The following SORCS1 variants were observed in gnomAD, a reference collection of about 807,000 sequenced individuals.
SORCS1 encodes VPS10 domain-containing receptor SorCS1.
A neutral mutation model predicts 146.1 loss-of-function variants in SORCS1; 60 were observed. The ratio of observed to expected loss-of-function variants is 0.41; its 90% CI spans 0.33 to 0.51. SORCS1 has a LOEUF of 0.51. SORCS1 is among the 20% of genes least tolerant of loss of function. The pLI, the probability that SORCS1 is intolerant of heterozygous loss-of-function variation, is 0.21. For synonymous variants in SORCS1, 637 were observed against 584.0 expected (o/e 1.09, Z -1.31); for missense variants, 1,352 against 1,487.6 (o/e 0.91, Z 1.50).
chr10:106,690,349 T>C (rs2135661425), intron 9 of SORCS1, among the ~76,000 whole-genome samples: 1 of 152,364 alleles, frequency 6.6e-6, no homozygotes, highest in Non-Finnish European at 1.5e-5. Flanking sequence ...AATGACCATG[T>C]CTTAGCCATT....
chr10:106,592,373 G>C (rs1249635588), intron 24 of SORCS1, among the ~76,000 whole-genome samples: 1 of 152,206 alleles, frequency 6.6e-6, no homozygotes, highest in Admixed American at 6.5e-5. Flanking sequence ...ATGACATTCA[G>C]GTATCTGCAA....
intron 6 of SORCS1, 53 bp downstream of exon 6, chr10:106,729,997 G>C: frequency 6.5e-7 from 1 of 1,537,456 alleles, no homozygotes; most frequent in Non-Finnish European, 9.0e-7. Context: ...GTTCATGACA[G>C]AGTCATAGAA....
At chr10:106,631,914 TTTTGTTTCATGATAG>T (rs1393653342) in intron 18 of SORCS1, among the ~76,000 whole-genome samples, 1 of 152,182 alleles carries the variant, frequency 6.6e-6, no homozygotes, top group Non-Finnish European at 1.5e-5. Flanking sequence ...TCTTGCTGGG[TTTTGTTTCATGATAG>T]GATTCTTCAT....
chr10:106,770,480 C>CAAAAAAAA (rs61310332), intron 4 of SORCS1, among the ~76,000 whole-genome samples: 2 of 126,206 alleles, frequency 1.6e-5, no homozygotes, highest in Non-Finnish European at 3.5e-5. Context: ...CAAAAAATCG[C>CAAAAAAAA]AAAAAAAAAA....
intron 2 of SORCS1, among the ~76,000 whole-genome samples, chr10:106,920,239 T>C (rs925021596): frequency 2.6e-5 from 4 of 152,158 alleles, no homozygotes; most frequent in Non-Finnish European, 5.9e-5. Context: ...CATCCAAACC[T>C]ATGTCTGTAA....
At position 107,101,741 on chromosome 10, in the gene SORCS1, G is replaced by A. The variant is rs887805509; in HGVS notation, c.558+62228C>T. 2.1e-5 allele frequency among the ~76,000 whole-genome samples: 3 copies of A among 143,372 alleles called. No individual in the cohort carries two copies. In the East Asian group the frequency reaches 5.9e-4, roughly 28 times the overall value. 94.1% of individuals were successfully genotyped at this position (143,372 alleles called of 152,430 possible). On this transcript the variant is annotated intron_variant, in intron 1 of 25. Transcript: ENST00000263054. Reference sequence around the variant, plus strand: ...CATTTCCAGAAACAAATCTTCCATGGGCTAATTATGTGTGTGTGTGTGTGT... The same window carrying A: ...CATTTCCAGAAACAAATCTTCCATGAGCTAATTATGTGTGTGTGTGTGTGT...
At chr10:106,711,488 C>A (rs2135857153) in intron 6 of SORCS1, among the ~76,000 whole-genome samples, 1 of 152,264 alleles carries the variant, frequency 6.6e-6, no homozygotes, top group Non-Finnish European at 1.5e-5. Context: ...TGTGTACCTA[C>A]CTGTATTCTG....
At chr10:106,899,076 A>G (rs748330543) in intron 2 of SORCS1, among the ~76,000 whole-genome samples, 8 of 152,216 alleles carry the variant, frequency 5.3e-5, no homozygotes, top group Non-Finnish European at 1.2e-4. Context: ...CCAGGTAGTG[A>G]AGGACCCATT....
rs138089968 is a variant in SORCS1 at position 106,718,046 on chromosome 10, G to C, written c.1025-8705C>G. Among the ~76,000 whole-genome samples, 238 of 152,264 alleles carry C rather than the reference G, an allele frequency of 1.6e-3. 1 individual carries two copies. Among genetic ancestry groups the C allele is most frequent in the Non-Finnish European group, 2.8e-3 (189 of 68,018 alleles). On this transcript the variant is annotated intron_variant, in intron 6 of 25. Transcript: ENST00000263054. The stretch of plus-strand genomic sequence containing the variant: ...AGAGTGAATTACTTTCGTCAGGGAT[G>C]GGGACATGATGGAAAAGCTGAGGGA...
intron 3 of SORCS1, among the ~76,000 whole-genome samples, chr10:106,810,489 A>G (rs1210672997): frequency 6.6e-6 from 1 of 152,222 alleles, no homozygotes; most frequent in Non-Finnish European, 1.5e-5. Flanking sequence ...ATACCAAGAC[A>G]GAGTCACTTG....
chr10:106,783,620 G>GT (rs2136436715), intron 3 of SORCS1, among the ~76,000 whole-genome samples: 1 of 152,094 alleles, frequency 6.6e-6, no homozygotes, highest in East Asian at 1.9e-4. Flanking sequence ...GAGAATTCCA[G>GT]TAACAAGTGT....
At chr10:106,620,585 C>T in intron 19 of SORCS1, 24 bp from the exon 20 acceptor site, 1 of 1,610,122 alleles carries the variant, frequency 6.2e-7, no homozygotes, top group Non-Finnish European at 8.5e-7. Context: ...GAAAGAGAGG[C>T]CATGGATGGG....
chr10:106,606,051 A>G (rs964203772), intron 23 of SORCS1, among the ~76,000 whole-genome samples: 1 of 152,154 alleles, frequency 6.6e-6, no homozygotes, highest in Admixed American at 6.5e-5. Context: ...TTTTTAATCT[A>G]TTTACCTGGA....
At chr10:106,601,379 C>T (rs1345358983) in intron 23 of SORCS1, among the ~76,000 whole-genome samples, 1 of 152,232 alleles carries the variant, frequency 6.6e-6, no homozygotes, top group African/African-American at 2.4e-5. Flanking sequence ...TAAACAATCA[C>T]GCCATAGAAA....
At chr10:107,142,674 G>A (rs184232559) in intron 1 of SORCS1, among the ~76,000 whole-genome samples, 1 of 152,056 alleles carries the variant, frequency 6.6e-6, no homozygotes, top group Admixed American at 6.6e-5. Flanking sequence ...TAGTACTTCA[G>A]TCTAATGTCC....
At chr10:106,858,557 G>A (rs938881204) in intron 2 of SORCS1, among the ~76,000 whole-genome samples, 10 of 139,656 alleles carry the variant, frequency 7.2e-5, no homozygotes, top group Admixed American at 2.4e-4. Flanking sequence ...GCAATGAGCC[G>A]AGATTGCACC....
intron 2 of SORCS1, among the ~76,000 whole-genome samples, chr10:106,860,177 T>C (rs1949956582): frequency 6.6e-6 from 1 of 152,242 alleles, no homozygotes; most frequent in Non-Finnish European, 1.5e-5. Flanking sequence ...AAATGTATTA[T>C]ATATCAGTTT....
intron 1 of SORCS1, among the ~76,000 whole-genome samples, chr10:107,071,536 C>T (rs1962426528): frequency 6.6e-6 from 1 of 152,138 alleles, no homozygotes; most frequent in South Asian, 2.1e-4. Flanking sequence ...GGATGTCCTC[C>T]TACAGTTGTT....
rs1234797210 is a variant in SORCS1 at position 107,033,510 on chromosome 10, G to A, written c.559-76930C>T. Among the ~76,000 whole-genome samples, 12 of 152,310 alleles carry A rather than the reference G, an allele frequency of 7.9e-5. No individual in the cohort carries two copies. The East Asian group carries it at 2.3e-3, about 29-fold the overall frequency. ...ATAGCATAGGCTGAGCAAAGTGTCT[G>A]ATCTCTATAGCAAACAGGTGATGAT... On this transcript the variant is annotated intron_variant, in intron 1 of 25. Coordinates refer to ENST00000263054, the MANE Select transcript of SORCS1 (RefSeq NM_052918.5).
Sources: gnomAD v4.1 joint callset for allele counts (sites outside exome capture counted in the v4.1 genomes callset) on GRCh38, gnomAD v4.1.1 for gene constraint, MANE v1.5 for transcripts, NCBI Gene and HGNC (gene_info 2026-07-23, HGNC 2026-07-21) for gene names.